The following OSBPL11 variants were observed in gnomAD, a reference collection of about 807,000 sequenced individuals.
OSBPL11 encodes the protein oxysterol-binding protein-related protein 11.
OSBPL11 carries 33 observed loss-of-function variants against 84.4 expected under a neutral mutation model. That is an observed-to-expected ratio of 0.39 (90% CI 0.30 to 0.52). The LOEUF (loss-of-function observed/expected upper bound fraction) is 0.52. Among genes scored for constraint, OSBPL11 ranks in the 20% least tolerant of loss-of-function variants. The pLI, the probability that OSBPL11 is intolerant of heterozygous loss-of-function variation, is 0.72. For synonymous variants in OSBPL11, 276 were observed against 310.2 expected, an observed-to-expected ratio of 0.89 and a Z score of 1.16; for missense variants, 736 against 901.1, an observed-to-expected ratio of 0.82 and a Z score of 2.35.
chr3:125,570,952 A>G (rs1192335384), intron 5 of OSBPL11, among the ~76,000 whole-genome samples: 1 of 152,226 alleles, frequency 6.6e-6, no homozygotes, highest in South Asian at 2.1e-4. Context: ...GAACTGGGTA[A>G]TAGGCAGAGG....
rs977527056 is a variant in OSBPL11 at position 125,552,172 on chromosome 3, T to C, written c.1654+9A>G. 2.0e-6 allele frequency: 3 copies of C among 1,492,180 alleles called. No homozygotes were observed. In the African/African-American group the frequency reaches 4.2e-5, roughly 21 times the overall value. The allele number at this position is 1,492,180 out of a possible 1,614,324, so 92.4% of individuals were successfully genotyped here. ...ATATATATATATATAAAATAATTTT[T>C]CTACTTACCTTCTCCAACCATTGTC... On this transcript the variant is annotated intron_variant, in intron 9 of 12. Transcript: ENST00000296220.
chr3:125,529,065 CA>C lies in OSBPL11; in HGVS notation c.*1449del, dbSNP rs1270536985. On this transcript the variant is annotated 3_prime_UTR_variant, in exon 13 of 13. Transcript: ENST00000296220. The stretch of plus-strand genomic sequence containing the variant: ...GTTTTCATCCTACTAACCTCTTTAA[CA>C]GAACACAATTTATCAGAGCACAAAG... 2 of 152,548 alleles carry C rather than the reference CA, an allele frequency of 1.3e-5. No homozygotes were observed. Among genetic ancestry groups the C allele is most frequent in the Non-Finnish European group, 2.9e-5 (2 of 68,032 alleles). The allele number at this position is 152,548 out of a possible 1,614,324, so 9.4% of individuals were successfully genotyped here. A position where few individuals can be genotyped will look rare whatever the true frequency, so the allele number is the denominator to read the frequency against.
intron 5 of OSBPL11, among the ~76,000 whole-genome samples, chr3:125,570,080 C>T (rs1357147185): frequency 6.6e-6 from 1 of 152,026 alleles, no homozygotes; most frequent in Non-Finnish European, 1.5e-5. Context: ...AAGACATTCA[C>T]AGCATAATCA....
At chr3:125,580,279 C>G (rs1310940911) in intron 2 of OSBPL11, among the ~76,000 whole-genome samples, 1 of 152,132 alleles carries the variant, frequency 6.6e-6, no homozygotes, top group Non-Finnish European at 1.5e-5. Flanking sequence ...CTTTGGGAGG[C>G]AGAGGCGAGC....
intron 1 of OSBPL11, among the ~76,000 whole-genome samples, chr3:125,587,325 A>G (rs1936528714): frequency 6.6e-6 from 1 of 152,210 alleles, no homozygotes; most frequent in Admixed American, 6.5e-5. Context: ...TCGCAGAGAA[A>G]TTTTGGATTT....
intron 11 of OSBPL11, among the ~76,000 whole-genome samples, chr3:125,533,878 A>T (rs1004613173): frequency 3.3e-5 from 5 of 152,234 alleles, no homozygotes; most frequent in Non-Finnish European, 5.9e-5. Context: ...AATCTGTAAG[A>T]CTACAGAAGA....
chr3:125,533,416 G>C (rs1335774053), intron 11 of OSBPL11, among the ~76,000 whole-genome samples: 1 of 151,902 alleles, frequency 6.6e-6, no homozygotes, highest in African/African-American at 2.4e-5. Context: ...GTACAGACAG[G>C]GTTTCATCAT....
At chr3:125,560,841 G>A (rs557013219) in intron 7 of OSBPL11, among the ~76,000 whole-genome samples, 1 of 152,262 alleles carries the variant, frequency 6.6e-6, no homozygotes, top group Non-Finnish European at 1.5e-5. Context: ...TGGGATTACA[G>A]GCATGCACCA....
chr3:125,563,926 T>C, intron 6 of OSBPL11, 83 bp from the exon 7 acceptor site: 1 of 1,526,224 alleles, frequency 6.6e-7, no homozygotes, highest in Non-Finnish European at 8.9e-7. Context: ...CAATTTTGTT[T>C]TGAGCCTACA....
At chr3:125,590,723 T>C (rs1182167430) in intron 1 of OSBPL11, among the ~76,000 whole-genome samples, 1 of 152,144 alleles carries the variant, frequency 6.6e-6, no homozygotes, top group Non-Finnish European at 1.5e-5. Flanking sequence ...AAAAGAGTGC[T>C]TCAGACATAG....
Position 125,582,832 on chromosome 3 carries a change from A to G in OSBPL11, c.233+78T>C. 4 of 1,037,224 alleles carry G rather than the reference A, an allele frequency of 3.9e-6. No individual in the cohort carries two copies. In the East Asian group the frequency reaches 7.6e-5, roughly 20 times the overall value. 64.3% of individuals were successfully genotyped at this position (1,037,224 alleles called of 1,614,324 possible). ...TTCCCAGCCATGTCTGTCTAAAGTA[A>G]TATCAAAATATAAAATTATTGGGCC... is the stretch of plus-strand genomic sequence containing the variant. On this transcript the variant is annotated intron_variant, in intron 2 of 12. Coordinates refer to ENST00000296220, the MANE Select transcript of OSBPL11 (RefSeq NM_022776.5).
chr3:125,578,865 CG>C, intron 4 of OSBPL11, 94 bp downstream of exon 4: 1 of 643,308 alleles, frequency 1.6e-6, no homozygotes, highest in Non-Finnish European at 2.5e-6. Context: ...GTGAATTTTA[CG>C]GTATATGAAT....
intron 10 of OSBPL11, among the ~76,000 whole-genome samples, chr3:125,540,755 T>C (rs559035483): frequency 6.6e-6 from 1 of 152,314 alleles, no homozygotes; most frequent in African/African-American, 2.4e-5. Context: ...TGGACAATCT[T>C]AGGGCCCTGC....
rs551675179 is a variant in OSBPL11 at position 125,588,697 on chromosome 3, T to C, written c.165-5719A>G. On this transcript the variant is annotated intron_variant, in intron 1 of 12. Coordinates refer to ENST00000296220, the MANE Select transcript of OSBPL11 (RefSeq NM_022776.5). The stretch of plus-strand genomic sequence containing the variant: ...TAGCATGAAGCGGGGAGTGGCTTGC[T>C]TAGCTGAGGAAAAGGCTAATGACAT... Among the ~76,000 whole-genome samples the C allele has an allele frequency of 2.0e-5, 3 of 152,288 alleles. No individual in the cohort carries two copies. In the South Asian group the frequency reaches 6.2e-4, roughly 32 times the overall value.
intron 5 of OSBPL11, among the ~76,000 whole-genome samples, chr3:125,569,100 A>G (rs987113158): frequency 5.9e-5 from 9 of 152,062 alleles, no homozygotes; most frequent in Non-Finnish European, 1.0e-4. Flanking sequence ...GTGTGCCACA[A>G]TGCCTGGCTA....
At position 125,564,107 on chromosome 3, in the gene OSBPL11, G is replaced by A. The variant is rs1399551608; in HGVS notation, c.869-264C>T. On this transcript the variant is annotated intron_variant, in intron 6 of 12. Transcript: ENST00000296220. ...AGGACTGAATTTACTTCTTGGACAA[G>A]TCTGTGAATCACGAAGTATATTCCC... 1.3e-5 allele frequency among the ~76,000 whole-genome samples: 2 copies of A among 152,222 alleles called. 1 individual carries two copies. The highest frequency in any genetic ancestry group is 2.9e-5 in the Non-Finnish European group (2 of 68,034).
At chr3:125,587,721 T>C (rs753215570) in intron 1 of OSBPL11, among the ~76,000 whole-genome samples, 11 of 152,032 alleles carry the variant, frequency 7.2e-5, no homozygotes, top group Non-Finnish European at 1.6e-4. Context: ...GGAGGATCAC[T>C]TGAGCCAGGA....
At chr3:125,551,841 G>A (rs1935913780) in intron 9 of OSBPL11, among the ~76,000 whole-genome samples, 1 of 151,900 alleles carries the variant, frequency 6.6e-6, no homozygotes, top group African/African-American at 2.4e-5. Flanking sequence ...AATTTAAAAA[G>A]AGAATTTACA....
intron 11 of OSBPL11, among the ~76,000 whole-genome samples, chr3:125,534,598 C>T (rs1460649582): frequency 6.9e-6 from 1 of 145,436 alleles, no homozygotes; most frequent in African/African-American, 2.5e-5. Context: ...AAAAAAAAAA[C>T]CCACAAAGGA....
Sources: gnomAD v4.1 joint callset for allele counts (sites outside exome capture counted in the v4.1 genomes callset) on GRCh38, gnomAD v4.1.1 for gene constraint, MANE v1.5 for transcripts, NCBI Gene and HGNC (gene_info 2026-07-23, HGNC 2026-07-21) for gene names.